The following DGKG variants were observed in gnomAD, a reference collection of about 807,000 sequenced individuals.
The protein encoded by DGKG is diacylglycerol kinase gamma.
Under a neutral mutation model 105.3 loss-of-function variants are expected in DGKG, and 78 were observed. The ratio of observed to expected loss-of-function variants is 0.74; its 90% CI spans 0.62 to 0.89. The LOEUF (loss-of-function observed/expected upper bound fraction) is 0.89. DGKG is among the 40% of genes least tolerant of loss of function. The pLI is 0.00. For synonymous variants in DGKG, 346 were observed against 367.1 expected, an observed-to-expected ratio of 0.94 and a Z score of 0.66; for missense variants, 958 against 1,020.1, an observed-to-expected ratio of 0.94 and a Z score of 0.83.
At chr3:186,205,336 T>C (rs767717185) in intron 21 of DGKG, among the ~76,000 whole-genome samples, 3 of 142,950 alleles carry the variant, frequency 2.1e-5, no homozygotes, top group Non-Finnish European at 3.0e-5. Flanking sequence ...AACATAAAGG[T>C]GAGTGAAAAG....
rs1715652726 is a variant in DGKG at position 186,149,449 on chromosome 3, C to T, written c.*641G>A. Reference sequence around the variant, plus strand: ...AAGGTTCCTGGAAAATAACAAGTGCCCACCGACGGCGCAGAAACCCAAGAA... The same window carrying T: ...AAGGTTCCTGGAAAATAACAAGTGCTCACCGACGGCGCAGAAACCCAAGAA... On this transcript the variant is annotated 3_prime_UTR_variant, in exon 25 of 25. Transcript: ENST00000265022. 1.0e-6 allele frequency: 1 copy of T among 985,310 alleles called. No individual in the cohort carries two copies. Among genetic ancestry groups the T allele is most frequent in the Admixed American group, 6.1e-5 (1 of 16,270 alleles). The allele number at this position is 985,310 out of a possible 1,614,324, so 61.0% of individuals were successfully genotyped here. A position where few individuals can be genotyped will look rare whatever the true frequency, so the allele number is the denominator to read the frequency against.
chr3:186,278,655 T>C (rs1167805311), intron 9 of DGKG, among the ~76,000 whole-genome samples: 1 of 152,194 alleles, frequency 6.6e-6, no homozygotes, highest in Non-Finnish European at 1.5e-5. Flanking sequence ...GCACTGGACA[T>C]GCTATGAAAT....
chr3:186,202,556 T>C (rs1468200624), intron 21 of DGKG, among the ~76,000 whole-genome samples: 2 of 152,358 alleles, frequency 1.3e-5, no homozygotes, highest in African/African-American at 2.4e-5. Context: ...AAAGTCTAGG[T>C]CATTTCCCAC....
At position 186,161,793 on chromosome 3, in the gene DGKG, T is replaced by G. The variant is rs1169248261; in HGVS notation, c.2217-130A>C. 5.0e-6 allele frequency: 7 copies of G among 1,404,710 alleles called. No individual in the cohort carries two copies. The East Asian group carries it at 1.4e-4, about 29-fold the overall frequency. 87.0% of individuals were successfully genotyped at this position (1,404,710 alleles called of 1,614,324 possible). On this transcript the variant is annotated intron_variant, in intron 23 of 24. Transcript: ENST00000265022. ...TAAGTGTGGTTCTCTAAGACTCTTT[T>G]GGAGAACTTGTTAAAAATAGATTTC...
rs551498564 is a variant in DGKG, at chr3:186,188,515, A to G, written c.1918-136T>C. 435 of 851,494 alleles carry G rather than the reference A, an allele frequency of 5.1e-4. 6 individuals carry two copies. The East Asian group carries it at 0.011, about 22-fold the overall frequency. 52.7% of individuals were successfully genotyped at this position (851,494 alleles called of 1,614,324 possible). A position where few individuals can be genotyped will look rare whatever the true frequency, so the allele number is the denominator to read the frequency against. On this transcript the variant is annotated intron_variant, in intron 21 of 24. Coordinates refer to ENST00000265022, the MANE Select transcript of DGKG (RefSeq NM_001346.3). ...ACAGGTCCTCAGCCACCACCCTGCCACTGTCAGAAGAGAAATCATGGGCAA... is the reference window on the plus strand; with the variant it reads ...ACAGGTCCTCAGCCACCACCCTGCCGCTGTCAGAAGAGAAATCATGGGCAA...
intron 20 of DGKG, among the ~76,000 whole-genome samples, chr3:186,230,452 G>C (rs1028683291): frequency 2.0e-5 from 3 of 152,170 alleles, no homozygotes; most frequent in Admixed American, 6.5e-5. Context: ...GAGGGAATGA[G>C]AGCAGCTGTG....
chr3:186,315,175 G>A (rs1724757952), intron 2 of DGKG, among the ~76,000 whole-genome samples: 1 of 152,150 alleles, frequency 6.6e-6, no homozygotes, highest in South Asian at 2.1e-4. Context: ...ACAGTTCCAG[G>A]GAAAGGAAAC....
In DGKG at chr3:186,148,666, T is replaced by C; in HGVS notation, c.*1424A>G. On this transcript the variant is annotated 3_prime_UTR_variant, in exon 25 of 25. Transcript: ENST00000265022. ...AGCCAAGACACCATGGAAAAGTCTC[T>C]GAACTTTTCTGAGACTCAATTTTCT... 1.0e-6 allele frequency: 1 copy of C among 984,542 alleles called. No individual in the cohort carries two copies. Among genetic ancestry groups the C allele is most frequent in the Non-Finnish European group, 1.2e-6 (1 of 829,152 alleles). The allele number at this position is 984,542 out of a possible 1,614,324, so 61.0% of individuals were successfully genotyped here.
intron 1 of DGKG, among the ~76,000 whole-genome samples, chr3:186,325,370 C>T (rs1004163951): frequency 2.0e-5 from 3 of 152,176 alleles, no homozygotes; most frequent in Admixed American, 1.3e-4. Context: ...AGGTAACAAA[C>T]TTGCCCCTGT....
intron 20 of DGKG, among the ~76,000 whole-genome samples, chr3:186,220,065 G>A (rs1346092960): frequency 6.6e-6 from 1 of 152,142 alleles, no homozygotes; most frequent in African/African-American, 2.4e-5. Context: ...GCTAACTAGT[G>A]GGTTAAACTA....
chr3:186,183,718 T>C (rs1717477565), intron 22 of DGKG, among the ~76,000 whole-genome samples: 1 of 152,002 alleles, frequency 6.6e-6, no homozygotes, highest in Admixed American at 6.6e-5. Flanking sequence ...TTTTTTTTTT[T>C]CTTGAGATGA....
intron 1 of DGKG, among the ~76,000 whole-genome samples, chr3:186,323,675 G>A (rs1043034540): frequency 4.7e-4 from 71 of 151,908 alleles, no homozygotes; most frequent in Admixed American, 3.3e-4. Flanking sequence ...AGTGGCTCAC[G>A]CCTGTAATCC....
intron 1 of DGKG, among the ~76,000 whole-genome samples, chr3:186,341,372 T>G (rs572126325): frequency 6.6e-6 from 1 of 152,198 alleles, no homozygotes; most frequent in Admixed American, 6.5e-5. Flanking sequence ...TAGAGCCAGA[T>G]GCAGTGGTAC....
Position 186,234,824 on chromosome 3 carries a change from A to G in DGKG, c.1826+7680T>C, listed in dbSNP as rs533381352. On this transcript the variant is annotated intron_variant, in intron 20 of 24. Transcript: ENST00000265022. ...GATTGTTAAGAGTCAGTGTGATTTC[A>G]TCATATTATTTAAAATACTACGAAT... Among the ~76,000 whole-genome samples the G allele has an allele frequency of 2.0e-5, 3 of 152,336 alleles. No individual in the cohort carries two copies. In the East Asian group the frequency reaches 5.8e-4, roughly 29 times the overall value.
At chr3:186,336,602 C>T (rs1051203621) in intron 1 of DGKG, among the ~76,000 whole-genome samples, 2 of 152,010 alleles carry the variant, frequency 1.3e-5, no homozygotes, top group African/African-American at 4.8e-5. Flanking sequence ...AAGATAAGGG[C>T]AGAGATTATC....
intron 13 of DGKG, 140 bp downstream of exon 13, chr3:186,267,545 T>G: frequency 1.5e-6 from 1 of 681,302 alleles, no homozygotes; most frequent in Non-Finnish European, 2.6e-6. Flanking sequence ...AAAATAACAG[T>G]AAAAAAAGAA....
At position 186,350,743 on chromosome 3, in the gene DGKG, C is replaced by T. The variant is rs118105468; in HGVS notation, c.-249+11203G>A. 1.8e-4 allele frequency among the ~76,000 whole-genome samples: 28 copies of T among 152,284 alleles called. No homozygotes were observed. In the East Asian group the frequency reaches 4.8e-3, roughly 26 times the overall value. ...GAGTTCCAATTGCTCTACATCCTTG[C>T]CAACACTTGTTATTTTCTGTTCTTT... On this transcript the variant is annotated intron_variant, in intron 1 of 24. Transcript: ENST00000265022.
In DGKG at chr3:186,261,790, A is replaced by G. The variant is rs1218254413; in HGVS notation, c.1270-12T>C. The G allele has an allele frequency of 1.3e-6, 2 of 1,554,392 alleles. No individual in the cohort carries two copies. The highest frequency in any genetic ancestry group is 1.8e-6 in the Non-Finnish European group (2 of 1,138,250). On this transcript the variant is annotated splice_polypyrimidine_tract_variant and intron_variant, in intron 14 of 24. Transcript: ENST00000265022. ...GGGATGATCTTATACTTGAAAGGTAAAAGAAAAAGAAATTAGCTCTGCTTC... is the reference window on the plus strand; with the variant it reads ...GGGATGATCTTATACTTGAAAGGTAGAAGAAAAAGAAATTAGCTCTGCTTC...
intron 1 of DGKG, among the ~76,000 whole-genome samples, chr3:186,327,091 G>A (rs1158071109): frequency 6.6e-6 from 1 of 152,146 alleles, no homozygotes. Context: ...CTGAGCCTGA[G>A]GGATCAAGGC....
Sources: allele counts gnomAD v4.1 joint callset (sites outside exome capture counted in the v4.1 genomes callset), GRCh38; gene constraint gnomAD v4.1.1; transcripts MANE v1.5; gene names NCBI Gene and HGNC (gene_info 2026-07-23, HGNC 2026-07-21).